Variants in TTC36 observed in about 807,000 individuals in gnomAD.
TTC36 encodes the protein tetratricopeptide repeat domain 36, also known as tetratricopeptide repeat protein 36.
TTC36 carries 15 observed loss-of-function variants against 17.5 expected under a neutral mutation model. That is an observed-to-expected ratio of 0.86 (90% confidence interval 0.57 to 1.32). The LOEUF (loss-of-function observed/expected upper bound fraction) is 1.32. Ranked by LOEUF, TTC36 falls within the 40% of genes most tolerant of loss-of-function variation. The pLI is 0.00. For synonymous variants in TTC36, 112 were observed against 109.8 expected (o/e 1.02, Z -0.13); for missense variants, 292 against 260.9 (o/e 1.12, Z -0.82).
Position 118,528,745 on chromosome 11 carries a change from C to T in TTC36, c.261C>T (p.Ala87=). The stretch of plus-strand genomic sequence containing the variant: ...GCCTGCTGCCTGAGAGGGCTTCAGC[C>T]TACAACAACCGTGCCCAGGCCCGGC... ...AICLLPERAS[A]YNNRAQARRL... Residue 87 remains alanine (A), a synonymous_variant, in exon 2 of 3, where the codon GCC becomes GCT. Coordinates refer to ENST00000302783, the MANE Select transcript of TTC36 (RefSeq NM_001080441.4). 6.2e-7 allele frequency: 1 copy of T among 1,612,724 alleles called. No homozygotes were observed. The highest frequency in any genetic ancestry group is 8.5e-7 in the Non-Finnish European group (1 of 1,179,582).
chr11:118,527,870 T>C, intron 1 of TTC36: 1 of 566,748 alleles, frequency 1.8e-6, no homozygotes, highest in Non-Finnish European at 3.4e-6. Flanking sequence ...GACTGTATGA[T>C]CCAAGCTTAA....
chr11:118,528,819 C>G, intron 2 of TTC36, 28 bp downstream of exon 2: 1 of 1,564,528 alleles, frequency 6.4e-7, no homozygotes, highest in Non-Finnish European at 8.7e-7. Context: ...GTATCCTCTG[C>G]AAAAGGGCCC....
chr11:118,527,491 C>G lies in TTC36; in HGVS notation c.-4C>G. 1 of 1,609,438 alleles carries G rather than the reference C, an allele frequency of 6.2e-7. No homozygotes were observed. The highest frequency in any genetic ancestry group is 8.5e-7 in the Non-Finnish European group (1 of 1,175,722). On this transcript the variant is annotated 5_prime_UTR_variant, in exon 1 of 3. Coordinates refer to ENST00000302783, the MANE Select transcript of TTC36 (RefSeq NM_001080441.4). The stretch of plus-strand genomic sequence containing the variant: ...CACCTTTTGGGATTTTGGAGTTGAG[C>G]ACCATGGGGACTCCAAATGATCAGG...
At position 118,530,499 on chromosome 11, in the gene TTC36, C is replaced by T; in HGVS notation, c.308-155C>T. 2 of 808,448 alleles carry T rather than the reference C, an allele frequency of 2.5e-6. No homozygotes were observed. The highest frequency in any genetic ancestry group is 1.8e-5 in the African/African-American group (1 of 54,654). The allele number at this position is 808,448 out of a possible 1,614,324, so 50.1% of individuals were successfully genotyped here. ...CATCTGTGTAATGGGAATAACGATC[C>T]GTACCTCTAGCAGGTGCGAGGCGGG... On this transcript the variant is annotated intron_variant, in intron 2 of 2. Transcript: ENST00000302783. This position sits in a 1 kb window ranked among gnomAD's most constrained non-coding sequence, Gnocchi z 5.8.
In TTC36 at chr11:118,527,603, C is replaced by A. The variant is rs1555056071; in HGVS notation, c.109C>A (p.Arg37=). 7 of 1,613,346 alleles carry A rather than the reference C, an allele frequency of 4.3e-6. No homozygotes were observed. Among genetic ancestry groups the A allele is most frequent in the Non-Finnish European group, 5.9e-6 (7 of 1,179,292 alleles). The change falls in exon 1 of 3, where the codon CGA becomes AGA. Residue 37 remains arginine (R), a synonymous_variant. Coordinates refer to ENST00000302783, the MANE Select transcript of TTC36 (RefSeq NM_001080441.4). ...DLGEEAEKEE[R]EEDEVFPQAQ... Reference sequence around the variant, plus strand: ...CGGAGAGGAAGCAGAAAAGGAAGAACGAGAAGAAGGTGGGCATTTGATCTG... The same window carrying A: ...CGGAGAGGAAGCAGAAAAGGAAGAAAGAGAAGAAGGTGGGCATTTGATCTG...
intron 1 of TTC36, 65 bp from the exon 2 acceptor site, chr11:118,528,538 A>G: frequency 6.8e-7 from 1 of 1,464,494 alleles, no homozygotes; most frequent in Non-Finnish European, 9.1e-7. Context: ...CCAAAGCCTG[A>G]GGTGGCTTTT....
At chr11:118,529,708 C>T (rs1951166397) in intron 2 of TTC36, among the ~76,000 whole-genome samples, 1 of 152,196 alleles carries the variant, frequency 6.6e-6, no homozygotes, top group Admixed American at 6.5e-5. Flanking sequence ...CTTATCCAGG[C>T]TTATCTGCCC....
intron 2 of TTC36, 46 bp downstream of exon 2, chr11:118,528,837 G>T: frequency 6.5e-7 from 1 of 1,531,374 alleles, no homozygotes; most frequent in South Asian, 1.3e-5. Context: ...CCCACGGGAG[G>T]GCACAGACCA....
At chr11:118,529,091 AC>A (rs1951143694) in intron 2 of TTC36, among the ~76,000 whole-genome samples, 1 of 152,242 alleles carries the variant, frequency 6.6e-6, no homozygotes, top group Non-Finnish European at 1.5e-5. Context: ...TATAGCAGTC[AC>A]TATGTACCAG....
In TTC36 at chr11:118,528,632, C is replaced by T. The variant is rs1555056411; in HGVS notation, c.148C>T (p.Gln50Ter). 6.3e-7 allele frequency: 1 copy of T among 1,595,950 alleles called. No homozygotes were observed. Among genetic ancestry groups the T allele is most frequent in the Non-Finnish European group, 8.6e-7 (1 of 1,169,144 alleles). The change falls in exon 2 of 3, where the codon CAG (glutamine) becomes TAG (stop). Residue 50 changes from glutamine (Q) to a stop codon, truncating the protein, a stop_gained. Transcript: ENST00000302783. LOFTEE classifies it high-confidence loss of function. ...AGTTTTCCCTCAAGCACAGCTGGAA[C>T]AGTCCAAGGCCCTGGAGCTGCAGGG... ...DEVFPQAQLE[Q>*]SKALELQGVM... is the part of the protein sequence containing the mutation.
rs928994472 is a variant in TTC36 at position 118,530,572 on chromosome 11, C to T, written c.308-82C>T. On this transcript the variant is annotated intron_variant, in intron 2 of 2. Transcript: ENST00000302783. The surrounding 1 kb of genome is among the most constrained non-coding windows in gnomAD (Gnocchi z 5.8). ...GCCGCAAGAACCACGGTGATCCGCGCGGCCGCAGGTGGGCTGGGGCTCGGG... is the reference window on the plus strand; with the variant it reads ...GCCGCAAGAACCACGGTGATCCGCGTGGCCGCAGGTGGGCTGGGGCTCGGG... 1.3e-4 allele frequency: 170 copies of T among 1,333,548 alleles called. No homozygotes were observed. In the African/African-American group the frequency reaches 2.5e-3, roughly 20 times the overall value. 82.6% of individuals were successfully genotyped at this position (1,333,548 alleles called of 1,614,324 possible).
chr11:118,528,553 C>T (rs1555056381), intron 1 of TTC36, 50 bp from the exon 2 acceptor site: 3 of 1,495,788 alleles, frequency 2.0e-6, no homozygotes, highest in Non-Finnish European at 2.7e-6. Flanking sequence ...GCTTTTTCTT[C>T]TTGCTACCAA....
rs1302700991 is a variant in TTC36, at chr11:118,530,500, G to A, written c.308-154G>A. ...ATCTGTGTAATGGGAATAACGATCC[G>A]TACCTCTAGCAGGTGCGAGGCGGGT... On this transcript the variant is annotated intron_variant, in intron 2 of 2. Transcript: ENST00000302783. The surrounding 1 kb of genome is among the most constrained non-coding windows in gnomAD (Gnocchi z 5.8). 1 of 817,764 alleles carries A rather than the reference G, an allele frequency of 1.2e-6. No individual in the cohort carries two copies. Among genetic ancestry groups the A allele is most frequent in the South Asian group, 2.7e-5 (1 of 37,508 alleles). The allele number at this position is 817,764 out of a possible 1,614,324, so 50.7% of individuals were successfully genotyped here.
rs147867529 is a variant in TTC36 at position 118,527,545 on chromosome 11, C to T, written c.51C>T (p.Asp17=). 3.7e-6 allele frequency: 6 copies of T among 1,614,070 alleles called. No individual in the cohort carries two copies. Among genetic ancestry groups the T allele is most frequent in the Non-Finnish European group, 5.1e-6 (6 of 1,180,038 alleles). ...TGCTGCAGGCCATCTTCAACCCTGA[C>T]ACCCCATTTGGAGACATTGTTGGAT... ...QAVLQAIFNP[D]TPFGDIVGLD... The change falls in exon 1 of 3, where the codon GAC becomes GAT. Residue 17 remains aspartate, a synonymous_variant. Coordinates refer to ENST00000302783, the MANE Select transcript of TTC36 (RefSeq NM_001080441.4).
chr11:118,530,931 G>T lies in TTC36; in HGVS notation c.*15G>T, dbSNP rs999876849. On this transcript the variant is annotated 3_prime_UTR_variant, in exon 3 of 3. Coordinates refer to ENST00000302783, the MANE Select transcript of TTC36 (RefSeq NM_001080441.4). This position sits in a 1 kb window ranked among gnomAD's most constrained non-coding sequence, Gnocchi z 5.8. ...ACAGCCGCTGAGCGCCGCGGACCCG[G>T]GCGTCCGCGGGCGAGGGGACGGGAC... 2 of 1,482,466 alleles carry T rather than the reference G, an allele frequency of 1.3e-6. No homozygotes were observed. Among genetic ancestry groups the T allele is most frequent in the Admixed American group, 4.7e-5 (2 of 42,480 alleles). The allele number at this position is 1,482,466 out of a possible 1,614,324, so 91.8% of individuals were successfully genotyped here.
chr11:118,529,102 G>A (rs1951144153), intron 2 of TTC36, among the ~76,000 whole-genome samples: 1 of 152,198 alleles, frequency 6.6e-6, no homozygotes, highest in Non-Finnish European at 1.5e-5. Flanking sequence ...CTATGTACCA[G>A]GCATTAATCA....
intron 1 of TTC36, chr11:118,528,204 A>AT: frequency 2.9e-6 from 1 of 349,430 alleles, no homozygotes; most frequent in South Asian, 2.4e-5. Context: ...TGGGAATGTC[A>AT]TGGTGGCCTT....
chr11:118,528,813 C>CCT (rs1448378883), intron 2 of TTC36, 22 bp downstream of exon 2: 1 of 1,577,724 alleles, frequency 6.3e-7, no homozygotes, highest in Non-Finnish European at 8.6e-7. Context: ...TGCCCTGTAT[C>CCT]CTCTGCAAAA....
At chr11:118,527,877 T>G in intron 1 of TTC36, 1 of 554,698 alleles carries the variant, frequency 1.8e-6, no homozygotes, top group South Asian at 1.5e-5. Context: ...TGATCCAAGC[T>G]TAACTGCCAG....
Sources: allele counts gnomAD v4.1 joint callset (sites outside exome capture counted in the v4.1 genomes callset), GRCh38; gene constraint gnomAD v4.1.1; non-coding constraint Gnocchi (gnomAD v3.1); transcripts MANE v1.5; gene names NCBI Gene and HGNC (gene_info 2026-07-23, HGNC 2026-07-21).